The following CDH13 variants were observed in gnomAD, a reference collection of about 807,000 sequenced individuals.
CDH13 encodes the protein cadherin-13.
Under a neutral mutation model 63.8 loss-of-function variants are expected in CDH13, and 24 were observed. The observed-to-expected ratio is 0.38, with a 90% CI of 0.27 to 0.53. The LOEUF is 0.53. CDH13 is among the 20% of genes least tolerant of loss of function. The pLI is 0.85. For synonymous variants in CDH13, 503 were observed against 355.3 expected (o/e 1.42, Z -4.67); for missense variants, 1,049 against 903.1 (o/e 1.16, Z -2.07).
intron 1 of CDH13, chr16:82,825,491 A>C (rs986540661): frequency 6.6e-6 from 1 of 152,092 alleles, no homozygotes; most frequent in African/African-American, 2.4e-5. Flanking sequence ...ATCTAGTGAG[A>C]ACTGAAATCT....
At chr16:82,867,560 C>G (rs1395020081) in intron 2 of CDH13, among the ~76,000 whole-genome samples, 3 of 152,138 alleles carry the variant, frequency 2.0e-5, no homozygotes, top group Non-Finnish European at 4.4e-5. Context: ...ATGACACTGA[C>G]CTTGGTTAGC....
rs539312926 is a variant in CDH13, at chr16:83,186,435, C to G, written c.484-30910C>G. ...TACAGGCCTGAGCCACAGCGCCCGG[C>G]CTAATGGCATCTTAGTCATTCGACT... is the stretch of plus-strand genomic sequence containing the variant. On this transcript the variant is annotated intron_variant, in intron 4 of 13. Coordinates refer to ENST00000567109, the MANE Select transcript of CDH13 (RefSeq NM_001257.5). Among the ~76,000 whole-genome samples the G allele has an allele frequency of 6.6e-5, 10 of 152,246 alleles. No homozygotes were observed. The South Asian group carries it at 1.9e-3, about 28-fold the overall frequency.
intron 2 of CDH13, among the ~76,000 whole-genome samples, chr16:83,030,568 G>A (rs1040205800): frequency 7.4e-5 from 11 of 149,546 alleles, no homozygotes; most frequent in South Asian, 2.1e-4. Flanking sequence ...ACTGGAACCC[G>A]GGAGGCAGAG....
chr16:83,393,059 G>A (rs868309237), intron 6 of CDH13, among the ~76,000 whole-genome samples: 16 of 152,098 alleles, frequency 1.1e-4, no homozygotes, highest in Admixed American at 7.9e-4. Flanking sequence ...ACAGTTCCCT[G>A]CCAGAATAAA....
chr16:82,868,820 G>A (rs375800143), intron 2 of CDH13, among the ~76,000 whole-genome samples: 9 of 152,126 alleles, frequency 5.9e-5, no homozygotes, highest in South Asian at 4.1e-4. Context: ...GTAGTGTTGC[G>A]TCTTCAGAGC....
At chr16:83,084,989 A>G (rs559659487) in intron 3 of CDH13, among the ~76,000 whole-genome samples, 4 of 152,222 alleles carry the variant, frequency 2.6e-5, no homozygotes, top group Non-Finnish European at 5.9e-5. Flanking sequence ...CAACAGTGCT[A>G]TGAGAAATTC....
At chr16:83,217,925 A>C (rs2039589042) in intron 5 of CDH13, among the ~76,000 whole-genome samples, 1 of 152,216 alleles carries the variant, frequency 6.6e-6, no homozygotes, top group Non-Finnish European at 1.5e-5. Context: ...TAGTTAAATT[A>C]TGGCAGATTT....
At chr16:83,287,690 T>C (rs1366674275) in intron 5 of CDH13, among the ~76,000 whole-genome samples, 1 of 152,132 alleles carries the variant, frequency 6.6e-6, no homozygotes, top group Admixed American at 6.5e-5. Flanking sequence ...CATGATGTAT[T>C]ATAATGTAAT....
intron 3 of CDH13, among the ~76,000 whole-genome samples, chr16:83,045,340 T>C (rs1917678015): frequency 6.6e-6 from 1 of 152,058 alleles, no homozygotes; most frequent in African/African-American, 2.4e-5. Flanking sequence ...GCCAAGTCTC[T>C]CTGTAAGAGA....
Position 83,507,085 on chromosome 16 carries a change from G to C in CDH13, c.960+20430G>C, listed in dbSNP as rs564558525. Among the ~76,000 whole-genome samples the C allele has an allele frequency of 2.4e-4, 36 of 152,298 alleles. No individual in the cohort carries two copies. The Middle Eastern group carries it at 0.014, about 58-fold the overall frequency. ...GTCTGTTTCACCAGCTAAAATTGCT[G>C]CTCATTTCTCTGTTACCCCCCAAAC... On this transcript the variant is annotated intron_variant, in intron 7 of 13. Coordinates refer to ENST00000567109, the MANE Select transcript of CDH13 (RefSeq NM_001257.5).
In CDH13 at chr16:83,654,399, C is replaced by A. The variant is rs554188067; in HGVS notation, c.1102-16391C>A. 5.9e-5 allele frequency among the ~76,000 whole-genome samples: 9 copies of A among 151,842 alleles called. No homozygotes were observed. In the East Asian group the frequency reaches 1.8e-3, roughly 30 times the overall value. On this transcript the variant is annotated intron_variant, in intron 8 of 13. Coordinates refer to ENST00000567109, the MANE Select transcript of CDH13 (RefSeq NM_001257.5). The stretch of plus-strand genomic sequence containing the variant: ...GCCCCTGAATTTAACAGAGAAAGAC[C>A]CTGAAGCAAGTAAGGCAGGTCAGGA...
At chr16:83,302,155 A>G (rs1425738156) in intron 5 of CDH13, among the ~76,000 whole-genome samples, 1 of 152,220 alleles carries the variant, frequency 6.6e-6, no homozygotes. Context: ...GAGTAAGCTA[A>G]CAAAGTTGAC....
intron 3 of CDH13, among the ~76,000 whole-genome samples, chr16:83,116,601 A>G (rs1295837015): frequency 6.6e-6 from 1 of 152,252 alleles, no homozygotes; most frequent in African/African-American, 2.4e-5. Flanking sequence ...AAAGACAAAC[A>G]TATACAGCCA....
At chr16:83,273,998 A>C (rs957385161) in intron 5 of CDH13, among the ~76,000 whole-genome samples, 2 of 152,060 alleles carry the variant, frequency 1.3e-5, no homozygotes, top group African/African-American at 4.8e-5. Flanking sequence ...CATTGCTTAC[A>C]CTTTCCATCT....
intron 6 of CDH13, among the ~76,000 whole-genome samples, chr16:83,455,470 G>A (rs1277185892): frequency 6.6e-6 from 1 of 152,210 alleles, no homozygotes; most frequent in East Asian, 1.9e-4. Flanking sequence ...CTCCAAGGAC[G>A]TGAATGTTCA....
intron 2 of CDH13, among the ~76,000 whole-genome samples, chr16:82,894,499 A>G (rs2041184105): frequency 6.6e-6 from 1 of 152,102 alleles, no homozygotes; most frequent in Admixed American, 6.5e-5. Flanking sequence ...AAAATTAGCC[A>G]GGCATGGTGG....
At chr16:82,724,095 G>C (rs996049393) in intron 1 of CDH13, among the ~76,000 whole-genome samples, 4 of 152,160 alleles carry the variant, frequency 2.6e-5, no homozygotes, top group Non-Finnish European at 5.9e-5. Flanking sequence ...TGATCCTTTA[G>C]GCCTTGTGAA....
chr16:83,742,056 C>A (rs531899991), intron 10 of CDH13, among the ~76,000 whole-genome samples: 18 of 152,314 alleles, frequency 1.2e-4, no homozygotes, highest in Admixed American at 1.1e-3. Context: ...GCGAGTGACC[C>A]CAAGAAGCCT....
chr16:82,939,982 G>A (rs1421657889), intron 2 of CDH13, among the ~76,000 whole-genome samples: 1 of 152,150 alleles, frequency 6.6e-6, no homozygotes, highest in African/African-American at 2.4e-5. Flanking sequence ...CGTGTCTCAT[G>A]TGGCAGCAGA....
Sources: allele counts gnomAD v4.1 joint callset (sites outside exome capture counted in the v4.1 genomes callset), GRCh38; gene constraint gnomAD v4.1.1; transcripts MANE v1.5; gene names NCBI Gene and HGNC (gene_info 2026-07-23, HGNC 2026-07-21).